GFM1: variants seen among roughly 807,000 people sequenced by gnomAD.
The protein encoded by GFM1 is elongation factor G, mitochondrial.
A neutral mutation model predicts 96.2 loss-of-function variants in GFM1; 62 were observed. That is an observed-to-expected ratio of 0.64 (90% CI 0.53 to 0.80). The LOEUF (loss-of-function observed/expected upper bound fraction) is 0.80, where lower values mean the gene tolerates loss of function less well. Among genes scored for constraint, GFM1 ranks in the 30% least tolerant of loss-of-function variants. The pLI is 0.00. For missense variants in GFM1, 852 were observed against 916.6 expected (o/e 0.93, Z 0.91); for synonymous variants, 282 against 312.9 (o/e 0.90, Z 1.04).
Position 158,694,184 on chromosome 3 carries a change from G to C in GFM1, c.*2717G>C, listed in dbSNP as rs572260614. Among the ~76,000 whole-genome samples the C allele has an allele frequency of 6.6e-6, 1 of 152,178 alleles. No individual in the cohort carries two copies. The highest frequency in any genetic ancestry group is 1.9e-4 in the East Asian group (1 of 5,178). On this transcript the variant is annotated 3_prime_UTR_variant, in exon 18 of 18. Transcript: ENST00000486715. The stretch of plus-strand genomic sequence containing the variant: ...GCAAAGATATGGAATCAACCTAAAT[G>C]CCTATCACTGATAGACTGGATAAAG...
At position 158,684,681 on chromosome 3, in the gene GFM1, CG is replaced by C. The variant is rs1560144712; in HGVS notation, c.1909+16del. On this transcript the variant is annotated intron_variant, in intron 15 of 17. Coordinates refer to ENST00000486715, the MANE Select transcript of GFM1 (RefSeq NM_024996.7). ...GCTCTTAAACAAGGTATGCTGGGTC[CG>C]GGCACCTTAGCCTGTCTGTTTTCCT... 9.3e-6 allele frequency: 15 copies of C among 1,613,460 alleles called. No individual in the cohort carries two copies. Among genetic ancestry groups the C allele is most frequent in the Non-Finnish European group, 1.3e-5 (15 of 1,179,802 alleles).
chr3:158,649,800 A>T, intron 5 of GFM1: 1 of 540,180 alleles, frequency 1.9e-6, no homozygotes, highest in East Asian at 2.9e-5. Flanking sequence ...GTTAAAAGAC[A>T]TAGTCCTGGC....
At chr3:158,673,591 A>T (rs1247734617) in intron 13 of GFM1, among the ~76,000 whole-genome samples, 1 of 140,996 alleles carries the variant, frequency 7.1e-6, no homozygotes, top group East Asian at 2.0e-4. Flanking sequence ...GGCTCACTGC[A>T]ACGTCCGCCT....
intron 13 of GFM1, among the ~76,000 whole-genome samples, chr3:158,676,437 A>G (rs1411183374): frequency 1.3e-5 from 2 of 152,222 alleles, no homozygotes; most frequent in Non-Finnish European, 2.9e-5. Flanking sequence ...CACACAAGAT[A>G]TGAATTTTAT....
At chr3:158,663,950 T>C (rs772919620) in intron 11 of GFM1, among the ~76,000 whole-genome samples, 2 of 152,136 alleles carry the variant, frequency 1.3e-5, no homozygotes, top group Non-Finnish European at 2.9e-5. Flanking sequence ...TTTGAGAGTA[T>C]CTGGCTTGTG....
At chr3:158,658,828 A>C (rs748590321) in intron 8 of GFM1, 94 bp from the exon 9 acceptor site, 5 of 1,331,712 alleles carry the variant, frequency 3.8e-6, no homozygotes, top group Non-Finnish European at 5.4e-6. Flanking sequence ...AAATTGGTAG[A>C]GAATACTTGG....
At chr3:158,649,972 A>G (rs1487012661) in intron 5 of GFM1, 23 of 1,512,286 alleles carry the variant, frequency 1.5e-5, no homozygotes, top group Non-Finnish European at 2.0e-5. Flanking sequence ...TGTTCTGAGG[A>G]GTGACCTCTG....
chr3:158,664,109 ATTGTGGTTGGGATTTGAGAAAACATAGG>A (rs1456349719), intron 11 of GFM1, among the ~76,000 whole-genome samples: 1 of 152,208 alleles, frequency 6.6e-6, no homozygotes, highest in Non-Finnish European at 1.5e-5. Context: ...GCCTTGCAGC[ATTGTGGTTGGGATTTGAGAAAACATAGG>A]CAAAACACAT....
At chr3:158,676,097 GC>G (rs1466859818) in intron 13 of GFM1, among the ~76,000 whole-genome samples, 1 of 152,148 alleles carries the variant, frequency 6.6e-6, no homozygotes, top group African/African-American at 2.4e-5. Context: ...ACATGGCGAA[GC>G]CCTGTCTGTA....
intron 13 of GFM1, chr3:158,669,241 A>C (rs907954231): frequency 1.1e-5 from 14 of 1,294,706 alleles, no homozygotes; most frequent in East Asian, 7.6e-5. Flanking sequence ...TGTGCAAAAA[A>C]TAATTTAATT....
In GFM1 at chr3:158,645,741, G is replaced by A. The variant is rs752518072; in HGVS notation, c.194G>A (p.Arg65Gln). Residue 65 changes from arginine (R) to glutamine (Q), a missense_variant, in exon 2 of 18, where the codon CGA (arginine) becomes CAA (glutamine). By Grantham distance (43) the Arg-to-Gln change is conservative (BLOSUM62 1). Coordinates refer to ENST00000486715, the MANE Select transcript of GFM1 (RefSeq NM_024996.7). ...TCTGGGAAAACTACATTAACAGAAC[G>A]AGTCCTTTACTACACTGGCAGAATT... ...IDSGKTTLTE[R>Q]VLYYTGRIAK... 1.9e-6 allele frequency: 3 copies of A among 1,612,428 alleles called. No homozygotes were observed. The highest frequency in any genetic ancestry group is 2.2e-5 in the East Asian group (1 of 44,856).
Position 158,694,235 on chromosome 3 carries a change from A to G in GFM1, c.*2768A>G, listed in dbSNP as rs1726471285. On this transcript the variant is annotated 3_prime_UTR_variant, in exon 18 of 18. Transcript: ENST00000486715. ...AAAATGTGGTACATACACATTGTGG[A>G]ATACTATGCAGCCATAAAAAAAGAA... is the stretch of plus-strand genomic sequence containing the variant. 6.7e-6 allele frequency among the ~76,000 whole-genome samples: 1 copy of G among 149,718 alleles called. No individual in the cohort carries two copies. Among genetic ancestry groups the G allele is most frequent in the Admixed American group, 6.7e-5 (1 of 15,012 alleles).
intron 7 of GFM1, 42 bp from the exon 8 acceptor site, chr3:158,654,502 TATC>T (rs775012992): frequency 3.5e-6 from 4 of 1,144,038 alleles, no homozygotes; most frequent in African/African-American, 1.6e-5. Context: ...ATAAAAGAAA[TATC>T]ATATATTACA....
intron 13 of GFM1, among the ~76,000 whole-genome samples, chr3:158,668,061 A>G (rs956020485): frequency 1.3e-5 from 2 of 152,278 alleles, no homozygotes; most frequent in Non-Finnish European, 2.9e-5. Context: ...TGTGACTGCC[A>G]TAAAAAGTGG....
intron 3 of GFM1, among the ~76,000 whole-genome samples, chr3:158,646,520 C>G: frequency 6.6e-6 from 1 of 152,202 alleles, no homozygotes; most frequent in South Asian, 2.1e-4. Context: ...TTGCCTTTTA[C>G]ATATTCTAGC....
At position 158,665,367 on chromosome 3, in the gene GFM1, G is replaced by C. The variant is rs572160127; in HGVS notation, c.1411G>C (p.Gly471Arg). The stretch of plus-strand genomic sequence containing the variant: ...TCTGGAAAAATTTTCAAAAGGTATT[G>C]GCAGGTTTACAAGAGAAGATCCCAC... ...NDLEKFSKGI[G>R]RFTREDPTFK... is the part of the protein sequence containing the mutation. The change falls in exon 12 of 18, where the codon GGC becomes CGC. Residue 471 changes from glycine (G) to arginine (R), a missense_variant. Coordinates refer to ENST00000486715, the MANE Select transcript of GFM1 (RefSeq NM_024996.7). 19 of 1,610,354 alleles carry C rather than the reference G, an allele frequency of 1.2e-5. No homozygotes were observed. Among genetic ancestry groups the C allele is most frequent in the Non-Finnish European group, 5.1e-6 (6 of 1,177,164 alleles).
chr3:158,695,254 G>A lies in GFM1; in HGVS notation c.*3787G>A. 6.6e-6 allele frequency: 1 copy of A among 152,264 alleles called. No individual in the cohort carries two copies. 9.4% of individuals were successfully genotyped at this position (152,264 alleles called of 1,614,324 possible). A position where few individuals can be genotyped will look rare whatever the true frequency, so the allele number is the denominator to read the frequency against. ...CCGGGCGGGGTGGCTCACGCCTGTA[G>A]CCCCAGCTGCTCAGGAGGCTGAGGC... On this transcript the variant is annotated 3_prime_UTR_variant, in exon 18 of 18. Coordinates refer to ENST00000486715, the MANE Select transcript of GFM1 (RefSeq NM_024996.7).
intron 4 of GFM1, among the ~76,000 whole-genome samples, chr3:158,648,306 G>A (rs932164610): frequency 1.3e-5 from 2 of 152,124 alleles, no homozygotes; most frequent in African/African-American, 4.8e-5. Context: ...TGGGAGTCTA[G>A]AGTCTAGACT....
chr3:158,651,502 T>C, intron 5 of GFM1, among the ~76,000 whole-genome samples: 1 of 151,798 alleles, frequency 6.6e-6, no homozygotes, highest in East Asian at 1.9e-4. Flanking sequence ...TATGTGAAGA[T>C]CAAATAAATA....
Sources: gnomAD v4.1 joint callset for allele counts (sites outside exome capture counted in the v4.1 genomes callset) on GRCh38, gnomAD v4.1.1 for gene constraint, MANE v1.5 for transcripts, NCBI Gene and HGNC (gene_info 2026-07-23, HGNC 2026-07-21) for gene names.